Variants in EXOC7 observed in about 807,000 individuals in gnomAD.
EXOC7 encodes exocyst complex component 7.
A neutral mutation model predicts 87.6 loss-of-function variants in EXOC7; 51 were observed. The observed-to-expected ratio is 0.58, with a 90% CI of 0.46 to 0.73. The LOEUF (loss-of-function observed/expected upper bound fraction) is 0.73, where lower values mean the gene tolerates loss of function less well. EXOC7 is among the 30% of genes least tolerant of loss of function. The pLI is 0.00. For missense variants in EXOC7, 744 were observed against 888.4 expected (o/e 0.84, Z 2.07); for synonymous variants, 327 against 357.1 (o/e 0.92, Z 0.95).
At position 76,084,257 on chromosome 17, in the gene EXOC7, C is replaced by T; in HGVS notation, c.1809G>A (p.Glu603=). 1 of 1,613,518 alleles carries T rather than the reference C, an allele frequency of 6.2e-7. No individual in the cohort carries two copies. The highest frequency in any genetic ancestry group is 8.5e-7 in the Non-Finnish European group (1 of 1,179,956). Residue 603 remains glutamate (E), a synonymous_variant, in exon 17 of 19, where the codon GAG becomes GAA. Transcript: ENST00000589210. ...LRDKERQIIK[E]RFKGFNDGLE... is the part of the protein sequence containing the mutation. Reference sequence around the variant, plus strand: ...GAGGACCCCGACTCACCTTAAAACGCTCCTTGATAATCTGCCGCTCCTTGT... The same window carrying T: ...GAGGACCCCGACTCACCTTAAAACGTTCCTTGATAATCTGCCGCTCCTTGT...
At chr17:76,103,300 C>T (rs2068164548) in intron 2 of EXOC7, 61 bp downstream of exon 2, 2 of 1,498,786 alleles carry the variant, frequency 1.3e-6, no homozygotes, top group Non-Finnish European at 9.1e-7. Context: ...ACCGCCAGGT[C>T]GCAAGGCTCT....
In EXOC7 at chr17:76,082,085, G is replaced by C. The variant is rs765880914; in HGVS notation, c.*1563C>G. On this transcript the variant is annotated 3_prime_UTR_variant, in exon 19 of 19. Coordinates refer to ENST00000589210, the MANE Select transcript of EXOC7 (RefSeq NM_001013839.4). ...GCTGGGGGGTAAGGAATGAGGCCTA[G>C]GTGCACACCTAGGGCTGGGGTGAGG... 1.3e-6 allele frequency: 2 copies of C among 1,561,926 alleles called. No homozygotes were observed. Among genetic ancestry groups the C allele is most frequent in the Admixed American group, 2.1e-5 (1 of 48,760 alleles).
In EXOC7 at chr17:76,089,199, C is replaced by A; in HGVS notation, c.1023G>T (p.Lys341Asn). Residue 341 changes from lysine (K) to asparagine (N), a missense_variant, in exon 8 of 19, where the codon AAG becomes AAT. This residue lies in a region of EXOC7 where 512 missense variants were observed against 573.0 expected (regional missense o/e 0.89). Coordinates refer to ENST00000589210, the MANE Select transcript of EXOC7 (RefSeq NM_001013839.4). ...CCTGTATCAGGGAGTCGAAGGTCTT[C>A]TTCTGGTGGTGCTCGGGGATGATGT... ...LADIIPEHHQ[K>N]KTFDSLIQDA... 1 of 1,613,892 alleles carries A rather than the reference C, an allele frequency of 6.2e-7. No homozygotes were observed. The highest frequency in any genetic ancestry group is 1.3e-5 in the African/African-American group (1 of 75,038).
At chr17:76,088,326 G>C in intron 10 of EXOC7, 138 bp downstream of exon 10, 2 of 966,184 alleles carry the variant, frequency 2.1e-6, no homozygotes, top group Non-Finnish European at 3.2e-6. Context: ...AAGGCACATG[G>C]GTGCTGACAG....
chr17:76,083,884 A>T (rs2067086807), intron 18 of EXOC7, 122 bp downstream of exon 18: 1 of 1,483,456 alleles, frequency 6.7e-7, no homozygotes, highest in Admixed American at 2.2e-5. Flanking sequence ...CCCAAAGCCC[A>T]GGTCGCTGGA....
At chr17:76,084,809 A>G in intron 15 of EXOC7, 1 of 577,918 alleles carries the variant, frequency 1.7e-6, no homozygotes, top group Non-Finnish European at 3.1e-6. Flanking sequence ...TTGGACAAAT[A>G]CTGTCAACTA....
At chr17:76,091,563 G>C (rs1334611138) in intron 6 of EXOC7, 3 of 262,092 alleles carry the variant, frequency 1.1e-5, no homozygotes, top group Non-Finnish European at 2.2e-5. Flanking sequence ...AACAGGCGAG[G>C]GCTCAGGTCG....
chr17:76,095,412 G>T (rs1480225320), intron 5 of EXOC7, among the ~76,000 whole-genome samples: 1 of 152,116 alleles, frequency 6.6e-6, no homozygotes, highest in Non-Finnish European at 1.5e-5. Flanking sequence ...GGGATTACAG[G>T]CATGAGCCAT....
chr17:76,089,252 CCAG>C lies in EXOC7; in HGVS notation c.967_969del (p.Leu323del). ...GCCAGCAGCTGGTACTCGCTCTGCG[CCAG>C]CTTGACGAAGGCACTGACGCAGTGG... On this transcript the variant is annotated inframe_deletion, in exon 8 of 19. Transcript: ENST00000589210. The C allele has an allele frequency of 6.2e-7, 1 of 1,614,148 alleles. No individual in the cohort carries two copies. Among genetic ancestry groups the C allele is most frequent in the Non-Finnish European group, 8.5e-7 (1 of 1,180,002 alleles).
In EXOC7 at chr17:76,103,686, G is replaced by GA. The variant is rs1567996715; in HGVS notation, c.6dup (p.Pro3SerfsTer13). The stretch of plus-strand genomic sequence containing the variant: ...CGTCGAGCGGATGCCTCCTGTGGGG[G>GA]AATCATCGCTCTGAACCCCGCGGCT... On this transcript the variant is annotated frameshift_variant, in exon 1 of 19. Coordinates refer to ENST00000589210, the MANE Select transcript of EXOC7 (RefSeq NM_001013839.4). LOFTEE classifies it high-confidence loss of function. 9 of 1,611,206 alleles carry GA rather than the reference G, an allele frequency of 5.6e-6. No individual in the cohort carries two copies. Among genetic ancestry groups the GA allele is most frequent in the Admixed American group, 1.7e-5 (1 of 59,666 alleles).
At chr17:76,086,572 A>AGGCCTGCACAGTGGGCTGCACAGTGGG (rs2067221334) in intron 12 of EXOC7, among the ~76,000 whole-genome samples, 3 of 152,160 alleles carry the variant, frequency 2.0e-5, no homozygotes, top group Non-Finnish European at 4.4e-5. Context: ...GAACAGACGA[A>AGGCCTGCACAGTGGGCTGCACAGTGGG]GCTGCGGCCT....
At chr17:76,101,961 C>G in intron 2 of EXOC7, 98 bp from the exon 3 acceptor site, 2 of 1,003,152 alleles carry the variant, frequency 2.0e-6, no homozygotes, top group Non-Finnish European at 2.9e-6. Flanking sequence ...CTCTGGTTTT[C>G]TAGACAATAA....
Position 76,101,828 on chromosome 17 carries a change from CA to C in EXOC7, c.161del (p.Met54ArgfsTer86). 6.2e-7 allele frequency: 1 copy of C among 1,613,900 alleles called. No homozygotes were observed. The highest frequency in any genetic ancestry group is 8.5e-7 in the Non-Finnish European group (1 of 1,179,956). The part of the protein sequence containing the change: ...SILSSFESRL[M>X]KLENSIIPVH... The stretch of plus-strand genomic sequence containing the variant: ...CAGGGATGATGGAGTTCTCCAGCTT[CA>C]TAAGGCGGCTCTCAAAGGATGATAA... On this transcript the variant is annotated frameshift_variant, in exon 3 of 19. Transcript: ENST00000589210. LOFTEE classifies it high-confidence loss of function.
In EXOC7 at chr17:76,081,417, G is replaced by C. The variant is rs1213401698; in HGVS notation, c.*2231C>G. On this transcript the variant is annotated 3_prime_UTR_variant, in exon 19 of 19. Coordinates refer to ENST00000589210, the MANE Select transcript of EXOC7 (RefSeq NM_001013839.4). ...TCCAGGTGACGGTGAGTCAAGTCGG[G>C]AGGAGGCCGACAGAGGGCTGCTGGA... 1.2e-6 allele frequency: 2 copies of C among 1,613,870 alleles called. No homozygotes were observed. The highest frequency in any genetic ancestry group is 1.1e-5 in the South Asian group (1 of 91,066).
intron 4 of EXOC7, among the ~76,000 whole-genome samples, chr17:76,098,865 CAAAAA>C (rs55644538): frequency 1.9e-5 from 2 of 106,890 alleles, no homozygotes; most frequent in Admixed American, 1.1e-4. Flanking sequence ...GACTCCGTCT[CAAAAA>C]AAAAAAAAAA....
In EXOC7 at chr17:76,091,237, T is replaced by G. The variant is rs1310629937; in HGVS notation, c.809-2A>C. 1 of 1,613,800 alleles carries G rather than the reference T, an allele frequency of 6.2e-7. No homozygotes were observed. The highest frequency in any genetic ancestry group is 8.5e-7 in the Non-Finnish European group (1 of 1,179,776). ...GGTTCTGAGCCTTACGGATCGTCCCTGTCACCAGAGCCACACAGAGAGGAG... is the reference window on the plus strand; with the variant it reads ...GGTTCTGAGCCTTACGGATCGTCCCGGTCACCAGAGCCACACAGAGAGGAG... On this transcript the variant is annotated splice_acceptor_variant, in intron 6 of 18. Coordinates refer to ENST00000589210, the MANE Select transcript of EXOC7 (RefSeq NM_001013839.4). LOFTEE classifies it high-confidence loss of function.
chr17:76,103,308 T>C, intron 2 of EXOC7, 53 bp downstream of exon 2: 1 of 1,524,448 alleles, frequency 6.6e-7, no homozygotes, highest in Non-Finnish European at 8.9e-7. Flanking sequence ...GTCGCAAGGC[T>C]CTCCCCCAGG....
Position 76,086,094 on chromosome 17 carries a change from A to T in EXOC7, c.1481T>A (p.Leu494Gln). 6.2e-7 allele frequency: 1 copy of T among 1,613,822 alleles called. No homozygotes were observed. The highest frequency in any genetic ancestry group is 8.5e-7 in the Non-Finnish European group (1 of 1,180,032). Residue 494 changes from leucine (L) to glutamine (Q), a missense_variant, in exon 13 of 19, where the codon CTA becomes CAA. Leu to Gln is a moderately radical substitution (Grantham distance 113, BLOSUM62 -2). Coordinates refer to ENST00000589210, the MANE Select transcript of EXOC7 (RefSeq NM_001013839.4). The part of the protein sequence containing the change: ...SYSSEFSKRL[L>Q]STYICKVLGN... Reference sequence around the variant, plus strand: ...AGAACACTCACAGATATAGGTGCTTAGCAGCCGCTTGCTGAACTCAGAGCT... The same window carrying T: ...AGAACACTCACAGATATAGGTGCTTTGCAGCCGCTTGCTGAACTCAGAGCT...
At chr17:76,087,551 C>A in intron 12 of EXOC7, 103 bp downstream of exon 12, 1 of 1,210,356 alleles carries the variant, frequency 8.3e-7, no homozygotes, top group Non-Finnish European at 1.2e-6. Flanking sequence ...CTCAACCCCT[C>A]CACAGACTGG....
Sources: gnomAD v4.1 joint callset for allele counts (sites outside exome capture counted in the v4.1 genomes callset) on GRCh38, gnomAD v4.1.1 for gene constraint, gnomAD v4.1.1 regional missense constraint, MANE v1.5 for transcripts, NCBI Gene and HGNC (gene_info 2026-07-23, HGNC 2026-07-21) for gene names.